The following IL1RAPL1 variants were observed in gnomAD, a reference collection of about 807,000 sequenced individuals.
IL1RAPL1 encodes interleukin 1 receptor accessory protein like 1.
IL1RAPL1 carries 3 observed loss-of-function variants against 48.4 expected under a neutral mutation model. The observed-to-expected ratio is 0.06, with a 90% CI of 0.03 to 0.16. The LOEUF is 0.16. Among genes scored for constraint, IL1RAPL1 ranks in the 10% least tolerant of loss-of-function variants. The probability of loss-of-function intolerance (pLI) is 1.00; values close to 1 mark genes in which losing one functional copy is unlikely to be tolerated. For missense variants in IL1RAPL1, 349 were observed against 530.6 expected (o/e 0.66, Z 3.36); for synonymous variants, 185 against 187.7 (o/e 0.99, Z 0.12).
intron 1 of IL1RAPL1, among the ~76,000 whole-genome samples, chrX:28,673,009 T>G (rs984676603): frequency 9.0e-6 from 1 of 111,696 alleles, no homozygotes; most frequent in African/African-American, 3.3e-5. Context: ...TGTGTTCATG[T>G]GTTCTCATCA....
chrX:29,859,804 A>G (rs1931542315), intron 6 of IL1RAPL1, among the ~76,000 whole-genome samples: 1 of 112,106 alleles, frequency 8.9e-6, no homozygotes, highest in East Asian at 2.8e-4. Context: ...ATACTTACAC[A>G]GAAAGGGTCC....
rs12009178 is a variant in IL1RAPL1, at chrX:28,806,555, C to T, written c.82+17130C>T. Among the ~76,000 whole-genome samples, 595 of 111,283 alleles carry T rather than the reference C, an allele frequency of 5.3e-3. 3 individuals carry two copies. Among genetic ancestry groups the T allele is most frequent in the African/African-American group, 0.018 (557 of 30,732 alleles). ...CTCAATGTCTCCATGTCTCTCAGAA[C>T]GGATCATAACAAACCCTAGGAATGC... On this transcript the variant is annotated intron_variant, in intron 2 of 10. Transcript: ENST00000378993.
intron 3 of IL1RAPL1, among the ~76,000 whole-genome samples, chrX:29,319,064 C>T (rs1932781346): frequency 9.0e-6 from 1 of 110,783 alleles, no homozygotes; most frequent in African/African-American, 3.3e-5. Flanking sequence ...TTCCATATGG[C>T]ACATATGTAT....
chrX:29,743,912 G>A lies in IL1RAPL1; in HGVS notation c.778+75408G>A, dbSNP rs768531979. Among the ~76,000 whole-genome samples, 4 of 112,204 alleles carry A rather than the reference G, an allele frequency of 3.6e-5. No individual in the cohort carries two copies. In the East Asian group the frequency reaches 8.4e-4, roughly 24 times the overall value. ...CACACACATACAAATAGTACACTGA[G>A]GAGGAAGGAGCCAGTGCTGAAGTTC... On this transcript the variant is annotated intron_variant, in intron 6 of 10. Transcript: ENST00000378993.
chrX:28,663,041 GAAGAA>G lies in IL1RAPL1; in HGVS notation c.-25+75008_-25+75012del, dbSNP rs201851927. ...GAAAAGAGTGAAAAAGAATGAAAGG[GAAGAA>G]AAGAAAAGAAAAGGGAAAGAACGAA... On this transcript the variant is annotated intron_variant, in intron 1 of 10. Coordinates refer to ENST00000378993, the MANE Select transcript of IL1RAPL1 (RefSeq NM_014271.4). Among the ~76,000 whole-genome samples, 811 of 111,290 alleles carry G rather than the reference GAAGAA, an allele frequency of 7.3e-3. 4 individuals carry two copies. Among genetic ancestry groups the G allele is most frequent in the African/African-American group, 0.025 (772 of 30,576 alleles).
intron 6 of IL1RAPL1, among the ~76,000 whole-genome samples, chrX:29,714,782 C>G (rs1927438139): frequency 3.6e-5 from 4 of 111,954 alleles, no homozygotes; most frequent in African/African-American, 1.3e-4. Context: ...CCTCTTCTTA[C>G]CTTGTATTTC....
At chrX:29,345,949 A>G (rs1290828470) in intron 3 of IL1RAPL1, among the ~76,000 whole-genome samples, 1 of 112,190 alleles carries the variant, frequency 8.9e-6, no homozygotes, top group African/African-American at 3.2e-5. Context: ...ACTTTTTAAT[A>G]TCTACTCTAA....
intron 2 of IL1RAPL1, among the ~76,000 whole-genome samples, chrX:29,033,720 G>A (rs1290132588): frequency 2.7e-5 from 3 of 110,975 alleles, no homozygotes; most frequent in African/African-American, 9.8e-5. Flanking sequence ...AGGGTTCTTC[G>A]GAATATTAGC....
At position 29,558,758 on chromosome X, in the gene IL1RAPL1, A is replaced by G. The variant is rs191255625; in HGVS notation, c.704-109672A>G. On this transcript the variant is annotated intron_variant, in intron 5 of 10. Transcript: ENST00000378993. The stretch of plus-strand genomic sequence containing the variant: ...ATTTTATTTTTTTGAGTGTGGATAT[A>G]CAATTTTCCCAGCATCACTTGTTGA... 6.3e-4 allele frequency among the ~76,000 whole-genome samples: 71 copies of G among 111,866 alleles called. 1 individual carries two copies. The highest frequency in any genetic ancestry group is 2.2e-3 in the African/African-American group (68 of 30,882).
intron 2 of IL1RAPL1, among the ~76,000 whole-genome samples, chrX:28,951,801 G>A (rs1924474257): frequency 1.8e-5 from 2 of 111,991 alleles, no homozygotes; most frequent in South Asian, 7.3e-4. Context: ...TGACAGGCTA[G>A]ATGGAAAAGG....
chrX:29,214,346 G>A (rs771449658), intron 2 of IL1RAPL1, among the ~76,000 whole-genome samples: 1 of 111,276 alleles, frequency 9.0e-6, no homozygotes, highest in Non-Finnish European at 1.9e-5. Context: ...GATGCAAAAT[G>A]AAGTATTTAG....
rs1197820834 is a variant in IL1RAPL1 at position 29,047,755 on chromosome X, A to G, written c.83-235183A>G. ...TTTTTTTTTTTTGAGATGGAGTCTC[A>G]CACTGTCGCCTGCATTGGAGTACAG... On this transcript the variant is annotated intron_variant, in intron 2 of 10. Coordinates refer to ENST00000378993, the MANE Select transcript of IL1RAPL1 (RefSeq NM_014271.4). 1.9e-5 allele frequency among the ~76,000 whole-genome samples: 2 copies of G among 105,154 alleles called. 1 individual carries two copies. The highest frequency in any genetic ancestry group is 9.7e-3 in the Middle Eastern group (2 of 206). The allele number at this position is 105,154 out of a possible 115,157, so 91.3% of individuals were successfully genotyped here.
At chrX:29,095,976 C>T (rs1325322170) in intron 2 of IL1RAPL1, among the ~76,000 whole-genome samples, 5 of 111,423 alleles carry the variant, frequency 4.5e-5, no homozygotes, top group African/African-American at 1.6e-4. Context: ...CTTGCTCATA[C>T]CACTTTAAAA....
intron 2 of IL1RAPL1, among the ~76,000 whole-genome samples, chrX:29,005,616 A>G (rs1449144141): frequency 2.7e-5 from 3 of 111,803 alleles, no homozygotes; most frequent in African/African-American, 9.8e-5. Context: ...CCTATTGACT[A>G]GGGAAAAATG....
chrX:29,085,741 G>A (rs1927939767), intron 2 of IL1RAPL1, among the ~76,000 whole-genome samples: 1 of 111,627 alleles, frequency 9.0e-6, no homozygotes, highest in South Asian at 3.7e-4. Context: ...GGAGAGCATG[G>A]ATGATAAACT....
intron 3 of IL1RAPL1, among the ~76,000 whole-genome samples, chrX:29,342,112 T>TTGTGTGTGTGTG (rs753779178): frequency 1.1e-3 from 93 of 87,680 alleles, no homozygotes; most frequent in Non-Finnish European, 1.8e-3. Context: ...CGGCCTTGTT[T>TTGTGTGTGTGTG]TGTGTGTGTG....
intron 5 of IL1RAPL1, among the ~76,000 whole-genome samples, chrX:29,424,117 T>C (rs779964488): frequency 9.0e-6 from 1 of 111,491 alleles, no homozygotes; most frequent in South Asian, 3.7e-4. Flanking sequence ...AAAAGTTTCC[T>C]GCCCAAGTGG....
At chrX:29,065,781 C>T (rs974670522) in intron 2 of IL1RAPL1, among the ~76,000 whole-genome samples, 19 of 111,718 alleles carry the variant, frequency 1.7e-4, no homozygotes. Flanking sequence ...ATTCTTTCTT[C>T]TGTCATTTCA....
chrX:28,964,372 C>A (rs1298574917), intron 2 of IL1RAPL1, among the ~76,000 whole-genome samples: 1 of 111,559 alleles, frequency 9.0e-6, no homozygotes, highest in African/African-American at 3.2e-5. Context: ...CTTTATTTCC[C>A]TTTATTTGCT....
Sources: allele counts gnomAD v4.1 joint callset (sites outside exome capture counted in the v4.1 genomes callset), GRCh38; gene constraint gnomAD v4.1.1; transcripts MANE v1.5; gene names NCBI Gene and HGNC (gene_info 2026-07-23, HGNC 2026-07-21).